ENPEP: variants seen among roughly 807,000 people sequenced by gnomAD.
The protein encoded by ENPEP is glutamyl aminopeptidase, also known as AP-A.
Under a neutral mutation model 114.5 loss-of-function variants are expected in ENPEP, and 103 were observed. That is an observed-to-expected ratio of 0.90 (90% CI 0.77 to 1.06). ENPEP has a LOEUF of 1.06. ENPEP is among the 50% of genes least tolerant of loss of function. The pLI, the probability that ENPEP is intolerant of heterozygous loss-of-function variation, is 0.00. For missense variants in ENPEP, 1,196 were observed against 1,161.3 expected (o/e 1.03, Z -0.43); for synonymous variants, 420 against 422.0 (o/e 1.00, Z 0.06).
intron 11 of ENPEP, among the ~76,000 whole-genome samples, chr4:110,538,279 G>T (rs1007894718): frequency 6.6e-5 from 10 of 152,182 alleles, no homozygotes; most frequent in Non-Finnish European, 1.0e-4. Context: ...CTTCAAAAAT[G>T]ATCTTAGTTA....
chr4:110,479,534 G>T (rs1032220432), intron 1 of ENPEP, among the ~76,000 whole-genome samples: 9 of 152,098 alleles, frequency 5.9e-5, no homozygotes, highest in African/African-American at 2.2e-4. Flanking sequence ...GTATGCATGT[G>T]TGTGTGTCTC....
At chr4:110,541,194 G>A (rs1005974047) in intron 11 of ENPEP, among the ~76,000 whole-genome samples, 11 of 152,078 alleles carry the variant, frequency 7.2e-5, no homozygotes, top group Non-Finnish European at 1.0e-4. Context: ...TACCTACTCC[G>A]AAAGTTCCTA....
At chr4:110,490,154 T>TTC (rs1182422951) in intron 2 of ENPEP, among the ~76,000 whole-genome samples, 2 of 152,100 alleles carry the variant, frequency 1.3e-5, no homozygotes, top group Non-Finnish European at 2.9e-5. Context: ...ACACTTTACC[T>TTC]TCTACTAGAT....
chr4:110,550,298 A>G (rs1239918078), intron 17 of ENPEP, among the ~76,000 whole-genome samples: 1 of 152,072 alleles, frequency 6.6e-6, no homozygotes, highest in South Asian at 2.1e-4. Flanking sequence ...CAACAGGACA[A>G]TTGTCTCCAA....
chr4:110,520,993 G>A (rs1246672426), intron 10 of ENPEP, among the ~76,000 whole-genome samples: 2 of 152,152 alleles, frequency 1.3e-5, no homozygotes, highest in African/African-American at 4.8e-5. Flanking sequence ...GACTAAAACA[G>A]TAGAGGAGAG....
At chr4:110,477,514 T>A (rs1009685041) in intron 1 of ENPEP, among the ~76,000 whole-genome samples, 1 of 148,968 alleles carries the variant, frequency 6.7e-6, no homozygotes, top group Non-Finnish European at 1.5e-5. Flanking sequence ...TTTTGTCCAT[T>A]TTTTTTTTGT....
At chr4:110,543,291 A>G (rs1333978453) in intron 13 of ENPEP, among the ~76,000 whole-genome samples, 1 of 152,104 alleles carries the variant, frequency 6.6e-6, no homozygotes, top group Non-Finnish European at 1.5e-5. Context: ...ACAAAAACAA[A>G]CCTAACTTAT....
chr4:110,549,748 G>C lies in ENPEP; in HGVS notation c.2363G>C (p.Arg788Pro), dbSNP rs138109608. ...LPVNLRLLVY[R>P]YGMQNSGNEI... ...GTAAATCTCAGGCTTCTGGTGTATCGGTATGGGATGCAGAACTCTGGCAAT... is the reference window on the plus strand; with the variant it reads ...GTAAATCTCAGGCTTCTGGTGTATCCGTATGGGATGCAGAACTCTGGCAAT... The change falls in exon 17 of 20, where the codon CGG becomes CCG. Residue 788 changes from arginine to proline, a missense_variant. By Grantham distance (103) the Arg-to-Pro change is moderately radical (BLOSUM62 -2). Coordinates refer to ENST00000265162, the MANE Select transcript of ENPEP (RefSeq NM_001977.4). 10 of 1,613,230 alleles carry C rather than the reference G, an allele frequency of 6.2e-6. No homozygotes were observed. The highest frequency in any genetic ancestry group is 1.7e-5 in the Admixed American group (1 of 59,866).
intron 19 of ENPEP, among the ~76,000 whole-genome samples, chr4:110,560,469 A>G (rs1727640396): frequency 6.6e-6 from 1 of 152,252 alleles, no homozygotes; most frequent in Non-Finnish European, 1.5e-5. Context: ...ATAAGTATAC[A>G]CAGTGAATTG....
At chr4:110,494,119 G>T (rs1465990709) in intron 3 of ENPEP, among the ~76,000 whole-genome samples, 1 of 152,226 alleles carries the variant, frequency 6.6e-6, no homozygotes, top group African/African-American at 2.4e-5. Context: ...ACGAGAAAAC[G>T]ATCAGAAATA....
chr4:110,482,907 G>A (rs1560550013), intron 1 of ENPEP, among the ~76,000 whole-genome samples: 1 of 152,188 alleles, frequency 6.6e-6, no homozygotes. Flanking sequence ...TACTCTGGAG[G>A]CTGAGGCAGG....
At chr4:110,512,379 C>T (rs980329445) in intron 6 of ENPEP, 6 of 152,152 alleles carry the variant, frequency 3.9e-5, no homozygotes, top group African/African-American at 1.4e-4. Flanking sequence ...GTCAATCTTC[C>T]TCACACTGAG....
At chr4:110,554,957 T>G (rs1175292381) in intron 18 of ENPEP, among the ~76,000 whole-genome samples, 1 of 152,002 alleles carries the variant, frequency 6.6e-6, no homozygotes, top group African/African-American at 2.4e-5. Context: ...AAATAATGCA[T>G]TTTTCATTTT....
intron 6 of ENPEP, among the ~76,000 whole-genome samples, chr4:110,511,765 T>C (rs1475137680): frequency 2.7e-5 from 4 of 150,540 alleles, no homozygotes; most frequent in African/African-American, 1.0e-4. Flanking sequence ...TCATTCCTTT[T>C]TTTTTTTTTC....
chr4:110,516,792 C>G (rs1725787534), intron 8 of ENPEP, among the ~76,000 whole-genome samples: 1 of 152,038 alleles, frequency 6.6e-6, no homozygotes, highest in Admixed American at 6.5e-5. Flanking sequence ...ATATTTTAAC[C>G]CTTTGTCTAT....
chr4:110,510,203 C>T, intron 5 of ENPEP, 42 bp from the exon 6 acceptor site: 2 of 1,512,310 alleles, frequency 1.3e-6, no homozygotes, highest in Non-Finnish European at 1.8e-6. Context: ...CTCTACCATA[C>T]CCATAAGAAT....
At position 110,561,492 on chromosome 4, in the gene ENPEP, A is replaced by G. The variant is rs776259639; in HGVS notation, c.2808A>G (p.Ile936Met). Residue 936 changes from isoleucine to methionine, a missense_variant, in exon 20 of 20, where the codon ATA becomes ATG. Coordinates refer to ENST00000265162, the MANE Select transcript of ENPEP (RefSeq NM_001977.4). ...TGCTGGAAACAGTGAAAAACAATAT[A>G]GAGTGGCTAAAACAACATAGAAACA... is the stretch of plus-strand genomic sequence containing the variant. ...EQVLETVKNN[I>M]EWLKQHRNTI... is the part of the protein sequence containing the mutation. 6.2e-7 allele frequency: 1 copy of G among 1,614,074 alleles called. No individual in the cohort carries two copies. The highest frequency in any genetic ancestry group is 8.5e-7 in the Non-Finnish European group (1 of 1,179,948).
In ENPEP at chr4:110,520,048, C is replaced by G; in HGVS notation, c.1550C>G (p.Ser517Cys). Residue 517 changes from serine (S) to cysteine (C), a missense_variant, in exon 9 of 20, where the codon TCT (serine) becomes TGT (cysteine). Physicochemically the swap from Ser to Cys is moderately radical, Grantham distance 112. Coordinates refer to ENST00000265162, the MANE Select transcript of ENPEP (RefSeq NM_001977.4). ...EKYQFKNAKT[S>C]DFWAALEEAS... ...TACCAATTCAAGAATGCAAAAACTTCTGATTTTTGGGCAGCACTGGAAGAG... is the reference window on the plus strand; with the variant it reads ...TACCAATTCAAGAATGCAAAAACTTGTGATTTTTGGGCAGCACTGGAAGAG... The G allele has an allele frequency of 6.2e-7, 1 of 1,613,970 alleles. No individual in the cohort carries two copies. The highest frequency in any genetic ancestry group is 8.5e-7 in the Non-Finnish European group (1 of 1,179,900).
At chr4:110,549,680 T>C in intron 16 of ENPEP, 36 bp from the exon 17 acceptor site, 1 of 1,612,834 alleles carries the variant, frequency 6.2e-7, no homozygotes, top group Non-Finnish European at 8.5e-7. Context: ...GAGAAAAGAG[T>C]AGTTGAAATC....
Sources: gnomAD v4.1 joint callset for allele counts (sites outside exome capture counted in the v4.1 genomes callset) on GRCh38, gnomAD v4.1.1 for gene constraint, MANE v1.5 for transcripts, NCBI Gene and HGNC (gene_info 2026-07-23, HGNC 2026-07-21) for gene names.